The following MYO16 variants were observed in gnomAD, a reference collection of about 807,000 sequenced individuals.
MYO16 encodes myosin XVI, also known as unconventional myosin-XVI.
MYO16 carries 94 observed loss-of-function variants against 205.3 expected under a neutral mutation model. That is an observed-to-expected ratio of 0.46 (90% confidence interval 0.39 to 0.54). The LOEUF is 0.54. MYO16 is among the 20% of genes least tolerant of loss of function. The pLI is 0.00. For synonymous variants in MYO16, 988 were observed against 954.0 expected (o/e 1.04, Z -0.66); for missense variants, 2,315 against 2,387.5 (o/e 0.97, Z 0.63).
chr13:108,875,845 G>A (rs1879297862), intron 12 of MYO16, among the ~76,000 whole-genome samples: 1 of 152,102 alleles, frequency 6.6e-6, no homozygotes, highest in Non-Finnish European at 1.5e-5. Context: ...CTGCACTCCA[G>A]CCTGGGCAGC....
chr13:109,007,921 G>A (rs1435427969), intron 21 of MYO16, among the ~76,000 whole-genome samples: 1 of 152,076 alleles, frequency 6.6e-6, no homozygotes, highest in Non-Finnish European at 1.5e-5. Flanking sequence ...CTCATGAAAT[G>A]CTTCTCTTTT....
chr13:109,036,605 C>T (rs1886725400), intron 23 of MYO16, among the ~76,000 whole-genome samples: 4 of 152,160 alleles, frequency 2.6e-5, no homozygotes. Context: ...GCAGCATAAG[C>T]AAAATGCTAA....
At chr13:108,531,270 G>A in the MYO16 span, among the ~76,000 whole-genome samples, 1 of 152,142 alleles carries the variant, frequency 6.6e-6, no homozygotes, top group Non-Finnish European at 1.5e-5. Flanking sequence ...GCCCTTGAAG[G>A]GTTTTACACA....
intron 6 of MYO16, among the ~76,000 whole-genome samples, chr13:108,802,733 CACTT>C (rs1442405796): frequency 6.6e-6 from 1 of 152,156 alleles, no homozygotes; most frequent in African/African-American, 2.4e-5. Context: ...TCCTTGCCAG[CACTT>C]ACTTGTCATC....
At chr13:109,164,332 T>A (rs937557683) in intron 32 of MYO16, among the ~76,000 whole-genome samples, 2 of 152,204 alleles carry the variant, frequency 1.3e-5, no homozygotes, top group African/African-American at 2.4e-5. Flanking sequence ...ATTTGGACAG[T>A]GGCTTTCGTG....
chr13:108,587,267 T>G, the MYO16 span, among the ~76,000 whole-genome samples: 2 of 152,140 alleles, frequency 1.3e-5, no homozygotes, highest in Non-Finnish European at 2.9e-5. Context: ...CCAGATGCAG[T>G]GATTTGGTGG....
intron 4 of MYO16, among the ~76,000 whole-genome samples, chr13:108,780,726 C>T (rs1210081062): frequency 6.6e-6 from 1 of 152,206 alleles, no homozygotes; most frequent in Admixed American, 6.5e-5. Context: ...TAGCACTTCA[C>T]ATGCACCAGG....
chr13:108,830,586 A>T (rs1876553874), intron 9 of MYO16, among the ~76,000 whole-genome samples: 1 of 137,294 alleles, frequency 7.3e-6, no homozygotes, highest in Admixed American at 7.8e-5. Context: ...CAGGAAGGGG[A>T]ACATCACAGT....
chr13:109,007,768 A>C (rs924361214), intron 21 of MYO16, among the ~76,000 whole-genome samples: 1 of 152,122 alleles, frequency 6.6e-6, no homozygotes. Context: ...AAAGAGAAAA[A>C]TTGACAGTTG....
the MYO16 span, among the ~76,000 whole-genome samples, chr13:108,528,217 C>G: frequency 2.0e-5 from 3 of 152,116 alleles, no homozygotes; most frequent in African/African-American, 7.2e-5. Flanking sequence ...TATCCGACAG[C>G]CTTTTGTTTA....
Position 108,680,244 on chromosome 13 carries a change from G to C in MYO16, c.292+14095G>C, listed in dbSNP as rs1431417980. ...CTCATCCAAGTGGCTGGATCCCAGTGCCTGGCAGAGTGTAGTTTCTCACAT... is the reference window on the plus strand; with the variant it reads ...CTCATCCAAGTGGCTGGATCCCAGTCCCTGGCAGAGTGTAGTTTCTCACAT... On this transcript the variant is annotated intron_variant, in intron 2 of 34. Transcript: ENST00000457511. Among the ~76,000 whole-genome samples the C allele has an allele frequency of 5.3e-5, 8 of 152,322 alleles. No individual in the cohort carries two copies. In the East Asian group the frequency reaches 7.7e-4, roughly 15 times the overall value.
chr13:108,872,138 A>G lies in MYO16; in HGVS notation c.1425+5896A>G, dbSNP rs1462269384. Among the ~76,000 whole-genome samples the G allele has an allele frequency of 2.0e-5, 3 of 152,186 alleles. No individual in the cohort carries two copies. In the East Asian group the frequency reaches 5.8e-4, roughly 29 times the overall value. On this transcript the variant is annotated intron_variant, in intron 12 of 34. Transcript: ENST00000457511. The stretch of plus-strand genomic sequence containing the variant: ...AGAGAGAGAGAAACGCACCCAATTT[A>G]AAGTTACTATTGATAATATTATTTC...
chr13:108,738,951 G>C (rs1460559134), intron 4 of MYO16, among the ~76,000 whole-genome samples: 2 of 152,106 alleles, frequency 1.3e-5, no homozygotes, highest in South Asian at 2.1e-4. Flanking sequence ...CAGAGACTAG[G>C]ATTGCAACCC....
At chr13:108,947,317 A>G (rs1261093192) in intron 16 of MYO16, among the ~76,000 whole-genome samples, 1 of 152,018 alleles carries the variant, frequency 6.6e-6, no homozygotes, top group African/African-American at 2.4e-5. Context: ...CGCCTGCGGC[A>G]TATTTCTGTG....
intron 23 of MYO16, among the ~76,000 whole-genome samples, chr13:109,037,508 A>G (rs1358098779): frequency 6.6e-6 from 1 of 152,178 alleles, no homozygotes; most frequent in Non-Finnish European, 1.5e-5. Context: ...AGTCCTTCTC[A>G]AGTAAGTCAT....
chr13:108,765,576 A>G (rs1169191946), intron 4 of MYO16, among the ~76,000 whole-genome samples: 3 of 152,148 alleles, frequency 2.0e-5, no homozygotes, highest in African/African-American at 7.2e-5. Flanking sequence ...TTCTGTTGCT[A>G]CACCATGACT....
At chr13:108,776,604 A>G (rs542054525) in intron 4 of MYO16, among the ~76,000 whole-genome samples, 2 of 152,306 alleles carry the variant, frequency 1.3e-5, no homozygotes, top group South Asian at 4.1e-4. Flanking sequence ...AACTGCTTCA[A>G]ATAGGCACCT....
chr13:108,975,190 G>GT (rs55838053), intron 20 of MYO16, among the ~76,000 whole-genome samples: 1,595 of 110,738 alleles, frequency 0.014, 32 homozygotes, highest in African/African-American at 0.049. Context: ...TACTGTTTTT[G>GT]TTTTTTTTTT....
At chr13:108,964,730 C>CTCA in intron 19 of MYO16, 31 bp from the exon 20 acceptor site, 1 of 1,609,770 alleles carries the variant, frequency 6.2e-7, no homozygotes, top group Non-Finnish European at 8.5e-7. Context: ...AACCCTTGTG[C>CTCA]TCACTCCTCC....
Sources: gnomAD v4.1 joint callset for allele counts (sites outside exome capture counted in the v4.1 genomes callset) on GRCh38, gnomAD v4.1.1 for gene constraint, MANE v1.5 for transcripts, NCBI Gene and HGNC (gene_info 2026-07-23, HGNC 2026-07-21) for gene names.